The following ACER3 variants were observed in gnomAD, a reference collection of about 807,000 sequenced individuals.
ACER3 encodes the protein alkCDase 3.
ACER3 carries 16 observed loss-of-function variants against 48.9 expected under a neutral mutation model. That is an observed-to-expected ratio of 0.33 (90% CI 0.22 to 0.50). The LOEUF is 0.50. Ranked by LOEUF, ACER3 falls within the 20% of genes least tolerant of loss-of-function variation. The pLI is 0.98. For missense variants in ACER3, 227 were observed against 326.0 expected, an observed-to-expected ratio of 0.70 and a Z score of 2.34; for synonymous variants, 109 against 107.8, an observed-to-expected ratio of 1.01 and a Z score of -0.07.
chr11:76,890,103 T>TG, intron 1 of ACER3, among the ~76,000 whole-genome samples: 1 of 152,310 alleles, frequency 6.6e-6, no homozygotes, highest in Middle Eastern at 3.4e-3. Flanking sequence ...GAGAAATCTT[T>TG]GAGACCATCT....
At chr11:76,870,324 A>G (rs1407547897) in intron 1 of ACER3, among the ~76,000 whole-genome samples, 5 of 151,384 alleles carry the variant, frequency 3.3e-5, no homozygotes, top group African/African-American at 9.7e-5. Flanking sequence ...TGTAGAGATG[A>G]GGTCTCACTA....
Position 76,993,075 on chromosome 11 carries a change from G to A in ACER3, c.438+2501G>A, listed in dbSNP as rs112633009. The stretch of plus-strand genomic sequence containing the variant: ...AGAGATGGGTTTTACCGTGTTGCCC[G>A]GCAGGTCTCAAAACTCCTGAGCTCA... On this transcript the variant is annotated intron_variant, in intron 6 of 10. Transcript: ENST00000532485. 1.6e-3 allele frequency among the ~76,000 whole-genome samples: 237 copies of A among 152,076 alleles called. 2 individuals are homozygous for A. The highest frequency in any genetic ancestry group is 5.3e-3 in the African/African-American group (221 of 41,484).
intron 6 of ACER3, chr11:76,994,260 G>C: frequency 2.2e-6 from 1 of 447,206 alleles, no homozygotes; most frequent in Non-Finnish European, 4.4e-6. Context: ...CACCCAGGTA[G>C]CTGGGACTAC....
At chr11:77,020,160 C>T in intron 10 of ACER3, 114 bp from the exon 11 acceptor site, 1 of 1,050,178 alleles carries the variant, frequency 9.5e-7, no homozygotes, top group Non-Finnish European at 1.4e-6. Flanking sequence ...CCAGGACAAT[C>T]ACTAGCAAAC....
Position 77,022,944 on chromosome 11 carries a change from T to A in ACER3, c.*2617T>A. ...AAAAGAAGCAATTTGCTTGCACATC[T>A]GAATATCCTTCTTGTGCCTCCATTT... On this transcript the variant is annotated 3_prime_UTR_variant, in exon 11 of 11. Coordinates refer to ENST00000532485, the MANE Select transcript of ACER3 (RefSeq NM_018367.7). The A allele has an allele frequency of 2.6e-6, 1 of 391,670 alleles. No homozygotes were observed. 24.3% of individuals were successfully genotyped at this position (391,670 alleles called of 1,614,324 possible). A position where few individuals can be genotyped will look rare whatever the true frequency, so the allele number is the denominator to read the frequency against.
At chr11:77,006,083 G>A (rs528640394) in intron 7 of ACER3, among the ~76,000 whole-genome samples, 3 of 148,422 alleles carry the variant, frequency 2.0e-5, no homozygotes, top group Admixed American at 6.7e-5. Context: ...TCTGCCTCTC[G>A]GGTTCAAGCA....
chr11:76,962,050 T>C (rs1235782069), intron 3 of ACER3, among the ~76,000 whole-genome samples: 1 of 150,382 alleles, frequency 6.6e-6, no homozygotes, highest in Non-Finnish European at 1.5e-5. Context: ...TTTTAATTTT[T>C]ATTATTATTA....
At chr11:76,889,635 C>G (rs541616364) in intron 1 of ACER3, among the ~76,000 whole-genome samples, 2 of 152,220 alleles carry the variant, frequency 1.3e-5, no homozygotes, top group South Asian at 4.2e-4. Context: ...AACACTTGCA[C>G]TTTTGTATGG....
At chr11:76,999,238 A>C (rs1305621799) in intron 7 of ACER3, among the ~76,000 whole-genome samples, 1 of 152,176 alleles carries the variant, frequency 6.6e-6, no homozygotes, top group Non-Finnish European at 1.5e-5. Context: ...TTAGTATTTC[A>C]TGAAAGATTA....
intron 1 of ACER3, among the ~76,000 whole-genome samples, chr11:76,872,658 CAT>C (rs1406655784): frequency 1.3e-5 from 2 of 152,112 alleles, no homozygotes; most frequent in Non-Finnish European, 2.9e-5. Flanking sequence ...TTGTTGATGT[CAT>C]ATTGTTAATG....
intron 1 of ACER3, among the ~76,000 whole-genome samples, chr11:76,911,683 C>T (rs1447525526): frequency 6.6e-6 from 1 of 152,156 alleles, no homozygotes. Context: ...TTTTCTTCTT[C>T]CTCTATAGAA....
intron 1 of ACER3, among the ~76,000 whole-genome samples, chr11:76,884,958 G>T (rs543787781): frequency 6.6e-6 from 1 of 152,034 alleles, no homozygotes; most frequent in African/African-American, 2.4e-5. Flanking sequence ...TACAGATGGG[G>T]TTTTGCCATG....
intron 1 of ACER3, among the ~76,000 whole-genome samples, chr11:76,882,145 C>A (rs1166899480): frequency 6.6e-6 from 1 of 151,826 alleles, no homozygotes; most frequent in Non-Finnish European, 1.5e-5. Context: ...GCTGGGACTA[C>A]AGGCGCCCGC....
chr11:76,895,677 C>T (rs1327861364), intron 1 of ACER3, among the ~76,000 whole-genome samples: 1 of 152,024 alleles, frequency 6.6e-6, no homozygotes, highest in Non-Finnish European at 1.5e-5. Flanking sequence ...CACCGAAGCA[C>T]CCTTAAGGGC....
chr11:76,952,135 TATATACACAC>T (rs1461916881), intron 2 of ACER3, among the ~76,000 whole-genome samples: 106 of 143,708 alleles, frequency 7.4e-4, no homozygotes, highest in Non-Finnish European at 1.2e-3. Flanking sequence ...ATTATATATA[TATATACACAC>T]ACACACACAC....
intron 3 of ACER3, among the ~76,000 whole-genome samples, chr11:76,971,421 T>TC (rs1948299009): frequency 6.6e-6 from 1 of 151,824 alleles, no homozygotes; most frequent in Non-Finnish European, 1.5e-5. Context: ...GCGCCCACAG[T>TC]CCCAGCTACT....
chr11:76,906,919 A>G (rs1946247885), intron 1 of ACER3, among the ~76,000 whole-genome samples: 1 of 152,204 alleles, frequency 6.6e-6, no homozygotes, highest in Admixed American at 6.5e-5. Context: ...ATAGAGACAT[A>G]ACAAAATATA....
At chr11:76,867,489 AAAAAAAAAG>A (rs1385194556) in intron 1 of ACER3, among the ~76,000 whole-genome samples, 2,798 of 126,354 alleles carry the variant, frequency 0.022, 168 homozygotes, top group East Asian at 0.18. Context: ...AAAAAAAAAA[AAAAAAAAAG>A]AAAGAAAAGT....
intron 4 of ACER3, 148 bp from the exon 5 acceptor site, chr11:76,985,495 A>G: frequency 1.8e-6 from 1 of 550,948 alleles, no homozygotes; most frequent in Non-Finnish European, 3.1e-6. Context: ...CTTAGAGGAT[A>G]ATAGGCAGTG....
Sources: allele counts gnomAD v4.1 joint callset (sites outside exome capture counted in the v4.1 genomes callset), GRCh38; gene constraint gnomAD v4.1.1; transcripts MANE v1.5; gene names NCBI Gene and HGNC (gene_info 2026-07-23, HGNC 2026-07-21).